The following MARK3 variants were observed in gnomAD, a reference collection of about 807,000 sequenced individuals.
MARK3 encodes the protein microtubule affinity regulating kinase 3, also known as MAP/microtubule affinity-regulating kinase 3.
In MARK3, 46 loss-of-function variants were observed where a neutral mutation model predicts 90.1. The observed-to-expected ratio is 0.51, with a 90% CI of 0.40 to 0.65. MARK3 has a LOEUF of 0.65. Among genes scored for constraint, MARK3 ranks in the 30% least tolerant of loss-of-function variants. MARK3 has a pLI of 0.00. For missense variants in MARK3, 818 were observed against 947.2 expected (o/e 0.86, Z 1.79); for synonymous variants, 321 against 332.6 (o/e 0.97, Z 0.38).
At chr14:103,399,303 A>G (rs896043918) in intron 1 of MARK3, among the ~76,000 whole-genome samples, 1 of 152,116 alleles carries the variant, frequency 6.6e-6, no homozygotes, top group African/African-American at 2.4e-5. Context: ...GCACATTCCC[A>G]TTTTTCTTAT....
chr14:103,498,266 A>G (rs2075454912), intron 15 of MARK3, among the ~76,000 whole-genome samples: 1 of 151,986 alleles, frequency 6.6e-6, no homozygotes, highest in African/African-American at 2.4e-5. Context: ...TAATGTCAAT[A>G]TGTACTGCTA....
chr14:103,466,273 A>G lies in MARK3; in HGVS notation c.898-70A>G, dbSNP rs1260112044. On this transcript the variant is annotated intron_variant, in intron 9 of 17. Transcript: ENST00000429436. ...ATAGTCAATGAAATGTTGAAAATAA[A>G]TTTTTGTAAATATTACGGTTATCAG... The G allele has an allele frequency of 9.0e-6, 12 of 1,329,880 alleles. No individual in the cohort carries two copies. The Middle Eastern group carries it at 7.4e-4, about 82-fold the overall frequency. 82.4% of individuals were successfully genotyped at this position (1,329,880 alleles called of 1,614,324 possible). A position where few individuals can be genotyped will look rare whatever the true frequency, so the allele number is the denominator to read the frequency against.
chr14:103,413,166 A>C (rs898040231), intron 2 of MARK3, among the ~76,000 whole-genome samples: 2 of 152,112 alleles, frequency 1.3e-5, no homozygotes, highest in African/African-American at 2.4e-5. Context: ...AAGCCACCAC[A>C]TCCGGCTAAT....
rs985651814 is a variant in MARK3, at chr14:103,411,612, CT to C, written c.243+6355del. ...AGGTCAAGTTCCCCTCCTGATGATT[CT>C]TTTTTTTTTCTCTCTCTCTTTTTTT... On this transcript the variant is annotated intron_variant, in intron 2 of 17. Coordinates refer to ENST00000429436, the MANE Select transcript of MARK3 (RefSeq NM_001128918.3). 8.0e-5 allele frequency among the ~76,000 whole-genome samples: 12 copies of C among 149,642 alleles called. No individual in the cohort carries two copies. The East Asian group carries it at 9.8e-4, about 12-fold the overall frequency.
At chr14:103,432,819 G>A (rs1400000117) in intron 3 of MARK3, among the ~76,000 whole-genome samples, 1 of 152,160 alleles carries the variant, frequency 6.6e-6, no homozygotes, top group Non-Finnish European at 1.5e-5. Context: ...TGGTGCCCCT[G>A]CATTCCAGCC....
chr14:103,450,921 CTTTTTTTTTTTTTTTT>C lies in MARK3; in HGVS notation c.347-985_347-970del, dbSNP rs869030067. Among the ~76,000 whole-genome samples, 145 of 52,640 alleles carry C rather than the reference CTTTTTTTTTTTTTTTT, an allele frequency of 2.8e-3. 4 individuals are homozygous for C. The highest frequency in any genetic ancestry group is 5.9e-3 in the South Asian group (6 of 1,018). 34.5% of individuals were successfully genotyped at this position (52,640 alleles called of 152,430 possible). On this transcript the variant is annotated intron_variant, in intron 4 of 17. Coordinates refer to ENST00000429436, the MANE Select transcript of MARK3 (RefSeq NM_001128918.3). The stretch of plus-strand genomic sequence containing the variant: ...GTGTGTGTGTGTGTGTGTGTGTATT[CTTTTTTTTTTTTTTTT>C]TTTTTTTTTTTGAGACAGGGTCTAG...
chr14:103,473,723 G>GT (rs1555397560), intron 12 of MARK3, among the ~76,000 whole-genome samples: 1 of 151,924 alleles, frequency 6.6e-6, no homozygotes, highest in Non-Finnish European at 1.5e-5. Context: ...TTGTTTGTTT[G>GT]TTTTTTAAAT....
At chr14:103,465,297 C>T (rs1413409310) in intron 7 of MARK3, among the ~76,000 whole-genome samples, 1 of 152,096 alleles carries the variant, frequency 6.6e-6, no homozygotes, top group Non-Finnish European at 1.5e-5. Context: ...TTGAAAAACT[C>T]AAGGCTTTTC....
intron 14 of MARK3, among the ~76,000 whole-genome samples, chr14:103,489,146 A>G (rs2093977941): frequency 6.6e-6 from 1 of 152,372 alleles, no homozygotes; most frequent in East Asian, 1.9e-4. Context: ...AATGGATCAG[A>G]TAACACTTCA....
intron 2 of MARK3, chr14:103,412,401 G>T: frequency 3.4e-6 from 2 of 593,576 alleles, no homozygotes; most frequent in Non-Finnish European, 6.0e-6. Flanking sequence ...CCTATGCCGA[G>T]GATTCGTGGG....
At chr14:103,399,713 GA>G (rs375827394) in intron 1 of MARK3, among the ~76,000 whole-genome samples, 36,390 of 119,884 alleles carry the variant, frequency 0.3, 6,470 homozygotes, top group Non-Finnish European at 0.37. Flanking sequence ...AAAAAAAAAA[GA>G]AAAAAAAAAA....
chr14:103,386,835 A>C (rs2089845074), intron 1 of MARK3, among the ~76,000 whole-genome samples: 2 of 152,240 alleles, frequency 1.3e-5, no homozygotes, highest in Admixed American at 6.5e-5. Flanking sequence ...TTCAGCGCTC[A>C]CAGGCTATGG....
chr14:103,473,332 A>G (rs1023958806), intron 12 of MARK3, among the ~76,000 whole-genome samples: 8 of 152,226 alleles, frequency 5.3e-5, no homozygotes, highest in African/African-American at 1.7e-4. Context: ...CAAACATACA[A>G]ATTAGTGCAA....
intron 1 of MARK3, among the ~76,000 whole-genome samples, chr14:103,392,865 C>G (rs987333614): frequency 1.3e-5 from 2 of 151,782 alleles, no homozygotes; most frequent in African/African-American, 4.8e-5. Context: ...GGCTGGAGTG[C>G]AGTGGCACGA....
At chr14:103,449,536 T>C (rs2093080170) in intron 4 of MARK3, among the ~76,000 whole-genome samples, 1 of 152,188 alleles carries the variant, frequency 6.6e-6, no homozygotes, top group South Asian at 2.1e-4. Flanking sequence ...GATGGAATAC[T>C]TGCTATCTAA....
At chr14:103,403,929 ATTG>A (rs1181714236) in intron 1 of MARK3, among the ~76,000 whole-genome samples, 2 of 152,228 alleles carry the variant, frequency 1.3e-5, no homozygotes, top group Non-Finnish European at 2.9e-5. Context: ...AAAAACAGAA[ATTG>A]TTGTTGAGAT....
intron 3 of MARK3, among the ~76,000 whole-genome samples, chr14:103,446,710 C>CTTTTTTTTTTTT (rs746523547): frequency 1.0e-5 from 1 of 98,050 alleles, no homozygotes; most frequent in African/African-American, 5.3e-5. Flanking sequence ...AGATTGTTGT[C>CTTTTTTTTTTTT]TTTTTTTTTT....
intron 1 of MARK3, among the ~76,000 whole-genome samples, chr14:103,389,373 A>G (rs1273980852): frequency 6.6e-6 from 1 of 150,888 alleles, no homozygotes; most frequent in Non-Finnish European, 1.5e-5. Context: ...CAAAAAAAAA[A>G]AAAAATTAGC....
chr14:103,447,819 A>G (rs1379193611), intron 3 of MARK3, among the ~76,000 whole-genome samples: 2 of 152,046 alleles, frequency 1.3e-5, no homozygotes, highest in African/African-American at 2.4e-5. Flanking sequence ...TTTGTCGCCC[A>G]GGCTGGAGTG....
Sources: allele counts gnomAD v4.1 joint callset (sites outside exome capture counted in the v4.1 genomes callset), GRCh38; gene constraint gnomAD v4.1.1; transcripts MANE v1.5; gene names NCBI Gene and HGNC (gene_info 2026-07-23, HGNC 2026-07-21).